The following NASP variants were observed in gnomAD, a reference collection of about 807,000 sequenced individuals.
NASP encodes the protein nuclear autoantigenic sperm protein, also known as NASP histone chaperone.
NASP carries 24 observed loss-of-function variants against 89.5 expected under a neutral mutation model. The observed-to-expected ratio is 0.27, with a 90% CI of 0.19 to 0.38. The LOEUF (loss-of-function observed/expected upper bound fraction) is 0.38, where lower values mean the gene tolerates loss of function less well. Ranked by LOEUF, NASP falls within the 10% of genes least tolerant of loss-of-function variation. The probability of loss-of-function intolerance (pLI) is 1.00; values close to 1 mark genes in which losing one functional copy is unlikely to be tolerated. For synonymous variants in NASP, 306 were observed against 324.7 expected, an observed-to-expected ratio of 0.94 and a Z score of 0.62; for missense variants, 848 against 921.4, an observed-to-expected ratio of 0.92 and a Z score of 1.03.
intron 2 of NASP, among the ~76,000 whole-genome samples, chr1:45,593,390 G>T (rs527655481): frequency 8.4e-4 from 128 of 151,722 alleles, no homozygotes; most frequent in Admixed American, 1.4e-3. Flanking sequence ...AAAATTAGTT[G>T]AGCGTGGTGG....
chr1:45,595,518 A>G (rs887410908), intron 2 of NASP, among the ~76,000 whole-genome samples: 1 of 152,128 alleles, frequency 6.6e-6, no homozygotes, highest in Non-Finnish European at 1.5e-5. Flanking sequence ...GCTCTTATTC[A>G]GCAGTTCTCA....
chr1:45,607,757 T>C lies in NASP; in HGVS notation c.846T>C (p.Pro282=), dbSNP rs747420509. 9.3e-6 allele frequency: 15 copies of C among 1,613,968 alleles called. No individual in the cohort carries two copies. The highest frequency in any genetic ancestry group is 1.7e-5 in the Admixed American group (1 of 59,998). The stretch of plus-strand genomic sequence containing the variant: ...CAAAAGAAGTTTCAGAAGAGCAGCC[T>C]GTGGTGACTCTAGAAAAGCAGGGCA... ...EKPKEVSEEQ[P]VVTLEKQGTA... The change falls in exon 6 of 15, where the codon CCT becomes CCC. Residue 282 remains proline, a synonymous_variant. Transcript: ENST00000350030.
At chr1:45,591,046 TTGAG>T (rs773938659) in intron 1 of NASP, among the ~76,000 whole-genome samples, 173 bp from the exon 2 acceptor site, 26 of 152,332 alleles carry the variant, frequency 1.7e-4, no homozygotes, top group Admixed American at 9.2e-4. Flanking sequence ...CCCTGGATAT[TTGAG>T]TGAGTAAGAA....
intron 1 of NASP, among the ~76,000 whole-genome samples, chr1:45,586,081 T>G (rs1644529698): frequency 6.7e-6 from 1 of 150,070 alleles, no homozygotes. Flanking sequence ...TATATGTGGC[T>G]AGAAGAAAGC....
chr1:45,587,528 T>C (rs772182783), intron 1 of NASP, among the ~76,000 whole-genome samples: 17 of 151,716 alleles, frequency 1.1e-4, no homozygotes, highest in Non-Finnish European at 2.1e-4. Context: ...TGTGTTTTGA[T>C]GAATTTTAAC....
chr1:45,615,247 TAAC>T (rs1416935861), intron 10 of NASP, 46 bp downstream of exon 10: 1 of 1,611,582 alleles, frequency 6.2e-7, no homozygotes, highest in Non-Finnish European at 8.5e-7. Flanking sequence ...ATCCAGCAAT[TAAC>T]AAGGAAGAAA....
rs767024962 is a variant in NASP at position 45,615,122 on chromosome 1, G to A, written c.1776G>A (p.Leu592=). The change falls in exon 10 of 15, where the codon TTG becomes TTA. Residue 592 remains leucine, a synonymous_variant. Transcript: ENST00000350030. ...CAGAGACCCACTACCAGCTGGGCTT[G>A]GCTTATGGGTACAACTCTCAGTATG... The part of the protein sequence containing the change: ...LLAETHYQLG[L]AYGYNSQYDE... The A allele has an allele frequency of 2.5e-5, 40 of 1,614,052 alleles. No individual in the cohort carries two copies. Among genetic ancestry groups the A allele is most frequent in the Middle Eastern group, 1.6e-4 (1 of 6,084 alleles).
intron 6 of NASP, 191 bp from the exon 7 acceptor site, chr1:45,612,978 C>T: frequency 1.5e-6 from 1 of 678,420 alleles, no homozygotes; most frequent in Non-Finnish European, 2.1e-6. Flanking sequence ...TAAGATTGCA[C>T]ATTCTTAGTC....
intron 11 of NASP, among the ~76,000 whole-genome samples, chr1:45,615,964 T>C (rs776249327): frequency 2.6e-5 from 4 of 152,206 alleles, no homozygotes; most frequent in African/African-American, 4.8e-5. Flanking sequence ...CTTCTGACAG[T>C]ACTGGAAAAA....
chr1:45,616,569 C>T, intron 12 of NASP, 57 bp from the exon 13 acceptor site: 1 of 1,568,976 alleles, frequency 6.4e-7, no homozygotes, highest in Non-Finnish European at 8.8e-7. Flanking sequence ...ATTATAAAAG[C>T]CTCAGCATTG....
chr1:45,617,460 T>C lies in NASP; in HGVS notation c.2158-3T>C, dbSNP rs977907389. Reference sequence around the variant, plus strand: ...TGTGAAGCCTTCACAATTATATCTTTAGAGGAAACCAGAGGAAGAGAGTCC... The same window carrying C: ...TGTGAAGCCTTCACAATTATATCTTCAGAGGAAACCAGAGGAAGAGAGTCC... On this transcript the variant is annotated splice_region_variant and splice_polypyrimidine_tract_variant and intron_variant, in intron 13 of 14. Coordinates refer to ENST00000350030, the MANE Select transcript of NASP (RefSeq NM_002482.4). 1.2e-5 allele frequency: 19 copies of C among 1,611,914 alleles called. No individual in the cohort carries two copies. Among genetic ancestry groups the C allele is most frequent in the Non-Finnish European group, 1.4e-5 (16 of 1,179,522 alleles).
intron 1 of NASP, among the ~76,000 whole-genome samples, chr1:45,587,687 T>TATATATATATATACATAA (rs66829841): frequency 1.7e-4 from 13 of 78,198 alleles, no homozygotes; most frequent in African/African-American, 6.9e-4. Context: ...TATATATATA[T>TATATATATATATACATAA]AATTAATTTT....
In NASP at chr1:45,586,309, G is replaced by GT. The variant is rs1420228919; in HGVS notation, c.59+2104_59+2105insT. 1.0e-3 allele frequency among the ~76,000 whole-genome samples: 140 copies of GT among 135,964 alleles called. 1 individual carries two copies. Among genetic ancestry groups the GT allele is most frequent in the African/African-American group, 3.9e-3 (138 of 35,106 alleles). The allele number at this position is 135,964 out of a possible 152,430, so 89.2% of individuals were successfully genotyped here. On this transcript the variant is annotated intron_variant, in intron 1 of 14. Coordinates refer to ENST00000350030, the MANE Select transcript of NASP (RefSeq NM_002482.4). Reference sequence around the variant, plus strand: ...GGTGTGTGTGTGTGTGTGTGTGTGTGGTGTGTGTGTGTGTCACCCAGGCTG... The same window carrying GT: ...GGTGTGTGTGTGTGTGTGTGTGTGTGTGTGTGTGTGTGTGTCACCCAGGCTG...
intron 9 of NASP, 132 bp from the exon 10 acceptor site, chr1:45,614,881 G>A: frequency 2.5e-6 from 2 of 797,894 alleles, no homozygotes; most frequent in South Asian, 1.9e-5. Flanking sequence ...TATAGCCAAG[G>A]GTCCTGGAAA....
At chr1:45,615,750 C>G (rs2991987) in intron 11 of NASP, 230,296 of 322,556 alleles carry the variant, frequency 0.71, 82,894 homozygotes, top group African/African-American at 0.76. Context: ...TACCTGAATG[C>G]TTGAGACCAG....
At chr1:45,599,443 T>A (rs1643780947) in intron 2 of NASP, among the ~76,000 whole-genome samples, 1 of 151,514 alleles carries the variant, frequency 6.6e-6, no homozygotes. Flanking sequence ...CTTTTCTTTT[T>A]TTGAGATGGA....
In NASP at chr1:45,588,159, A is replaced by G. The variant is rs576619676; in HGVS notation, c.60-3064A>G. On this transcript the variant is annotated intron_variant, in intron 1 of 14. Transcript: ENST00000350030. ...AACTCCGTTGCTCAGGCTGGAGTGC[A>G]CTGGTGCGATCTAGGCTCACCGCAG... Among the ~76,000 whole-genome samples the G allele has an allele frequency of 3.9e-5, 6 of 152,190 alleles. 1 individual carries two copies. The highest frequency in any genetic ancestry group is 1.4e-4 in the African/African-American group (6 of 41,550).
At chr1:45,611,855 C>CTTTTTT (rs997981433) in intron 6 of NASP, 11 of 105,196 alleles carry the variant, frequency 1.0e-4, no homozygotes, top group African/African-American at 2.0e-4. Flanking sequence ...GTTAAAGTAT[C>CTTTTTT]TTTTTTTTTT....
At position 45,586,239 on chromosome 1, in the gene NASP, C is replaced by CGTGTGTGTGTGTGTGTGTGTGT. The variant is rs537983711; in HGVS notation, c.59+2058_59+2079dup. On this transcript the variant is annotated intron_variant, in intron 1 of 14. Coordinates refer to ENST00000350030, the MANE Select transcript of NASP (RefSeq NM_002482.4). ...CGGCCCCCTGCAGCCCCTACCGTGC[C>CGTGTGTGTGTGTGTGTGTGTGT]GTGTGTGTGTGTGTGTGTGTGTGTG... Among the ~76,000 whole-genome samples the CGTGTGTGTGTGTGTGTGTGTGT allele has an allele frequency of 3.8e-4, 42 of 110,216 alleles. 1 individual carries two copies. Among genetic ancestry groups the CGTGTGTGTGTGTGTGTGTGTGT allele is most frequent in the African/African-American group, 7.8e-4 (20 of 25,606 alleles). 72.3% of individuals were successfully genotyped at this position (110,216 alleles called of 152,430 possible). A position where few individuals can be genotyped will look rare whatever the true frequency, so the allele number is the denominator to read the frequency against.
Sources: allele counts gnomAD v4.1 joint callset (sites outside exome capture counted in the v4.1 genomes callset), GRCh38; gene constraint gnomAD v4.1.1; transcripts MANE v1.5; gene names NCBI Gene and HGNC (gene_info 2026-07-23, HGNC 2026-07-21).